The following RIMBP2 variants were observed in gnomAD, a reference collection of about 807,000 sequenced individuals.
The protein encoded by RIMBP2 is RIMS-binding protein 2.
Under a neutral mutation model 118.6 loss-of-function variants are expected in RIMBP2, and 48 were observed. The observed-to-expected ratio is 0.40, with a 90% CI of 0.32 to 0.51. RIMBP2 has a LOEUF of 0.51. RIMBP2 is among the 20% of genes least tolerant of loss of function. The pLI is 0.41. For missense variants in RIMBP2, 1,551 were observed against 1,768.3 expected (o/e 0.88, Z 2.20); for synonymous variants, 762 against 742.9 (o/e 1.03, Z -0.42).
intron 17 of RIMBP2, among the ~76,000 whole-genome samples, chr12:130,416,262 G>C (rs1005088345): frequency 1.3e-5 from 2 of 152,150 alleles, no homozygotes; most frequent in African/African-American, 4.8e-5. Context: ...AGCCCAAATA[G>C]CCGAAGTGGT....
chr12:130,684,924 C>T (rs2064973814), intron 1 of RIMBP2, among the ~76,000 whole-genome samples: 1 of 152,214 alleles, frequency 6.6e-6, no homozygotes, highest in Non-Finnish European at 1.5e-5. Context: ...ACTGCAGACT[C>T]ACCCTGAATT....
intron 2 of RIMBP2, among the ~76,000 whole-genome samples, chr12:130,618,082 C>T (rs1412919385): frequency 6.8e-6 from 1 of 146,354 alleles, no homozygotes; most frequent in Admixed American, 6.8e-5. Flanking sequence ...ATAAGAGTCA[C>T]GGATCCCCAA....
intron 1 of RIMBP2, among the ~76,000 whole-genome samples, chr12:130,713,403 C>G (rs1046064016): frequency 3.3e-5 from 5 of 152,158 alleles, no homozygotes; most frequent in African/African-American, 1.2e-4. Context: ...GCATCACCAA[C>G]AAGAGATGCA....
intron 1 of RIMBP2, among the ~76,000 whole-genome samples, chr12:130,676,240 G>A (rs1404486195): frequency 1.3e-5 from 2 of 151,456 alleles, no homozygotes; most frequent in East Asian, 3.9e-4. Context: ...AAACCTGTAG[G>A]TGAATTTTTT....
In RIMBP2 at chr12:130,471,529, C is replaced by G. The variant is rs529415647; in HGVS notation, c.103-786G>C. 4.6e-5 allele frequency among the ~76,000 whole-genome samples: 7 copies of G among 152,288 alleles called. No individual in the cohort carries two copies. The South Asian group carries it at 6.2e-4, about 14-fold the overall frequency. ...TGAGTCTCACTAACTTTTCTGCAGA[C>G]CTAACGTTTCAAAAGACCCATGGAG... On this transcript the variant is annotated intron_variant, in intron 5 of 22. Transcript: ENST00000690449.
intron 21 of RIMBP2, among the ~76,000 whole-genome samples, chr12:130,405,431 G>C (rs533995877): frequency 1.3e-5 from 2 of 152,296 alleles, no homozygotes; most frequent in African/African-American, 2.4e-5. Flanking sequence ...GGGGGAGCAG[G>C]TGGAAACACA....
intron 1 of RIMBP2, among the ~76,000 whole-genome samples, chr12:130,666,749 A>AGGAGTGAGGGAG (rs2063929863): frequency 1.6e-5 from 2 of 126,328 alleles, no homozygotes; most frequent in African/African-American, 5.9e-5. Flanking sequence ...GAAGGAGGGA[A>AGGAGTGAGGGAG]GGAGTGAGGG....
intron 3 of RIMBP2, among the ~76,000 whole-genome samples, chr12:130,514,727 CTCCTG>C (rs1408424462): frequency 6.6e-6 from 1 of 152,148 alleles, no homozygotes; most frequent in Admixed American, 6.5e-5. Flanking sequence ...AAGAAAAATA[CTCCTG>C]TCCTAAGAAA....
rs138450765 is a variant in RIMBP2 at position 130,455,416 on chromosome 12, C to T, written c.358+1080G>A. ...GCACGGTGCCCTGTCTGTCTCTCAG[C>T]GTTGCAACCTAGGCAGGGCATGCAG... On this transcript the variant is annotated intron_variant, in intron 7 of 22. Coordinates refer to ENST00000690449, the MANE Select transcript of RIMBP2 (RefSeq NM_001393629.1). 7.1e-3 allele frequency among the ~76,000 whole-genome samples: 1,082 copies of T among 152,346 alleles called. 18 individuals are homozygous for T. The highest frequency in any genetic ancestry group is 0.025 in the African/African-American group (1,030 of 41,580).
chr12:130,712,308 T>C (rs1335855435), intron 1 of RIMBP2, among the ~76,000 whole-genome samples: 1 of 152,260 alleles, frequency 6.6e-6, no homozygotes, highest in Non-Finnish European at 1.5e-5. Flanking sequence ...GTAATAATAC[T>C]TAGCTTAAAA....
At chr12:130,458,628 G>C (rs1027925533) in intron 6 of RIMBP2, among the ~76,000 whole-genome samples, 1 of 152,334 alleles carries the variant, frequency 6.6e-6, no homozygotes, top group East Asian at 1.9e-4. Flanking sequence ...TGGGGCACTC[G>C]CGGAGCCTTC....
At position 130,628,356 on chromosome 12, in the gene RIMBP2, A is replaced by G. The variant is rs978747211; in HGVS notation, c.-251T>C. ...TCTCTGCTGAGTTCCTGGTCTCAGG[A>G]GAGGAAGTGGGAAATTTCCCCAGCG... On this transcript the variant is annotated 5_prime_UTR_variant, in exon 2 of 23. Transcript: ENST00000690449. 1 of 152,236 alleles carries G rather than the reference A, an allele frequency of 6.6e-6. No homozygotes were observed. The highest frequency in any genetic ancestry group is 2.4e-5 in the African/African-American group (1 of 41,462). 9.4% of individuals were successfully genotyped at this position (152,236 alleles called of 1,614,324 possible). A position where few individuals can be genotyped will look rare whatever the true frequency, so the allele number is the denominator to read the frequency against.
intron 2 of RIMBP2, among the ~76,000 whole-genome samples, chr12:130,610,484 G>A (rs1317803971): frequency 6.8e-6 from 1 of 146,572 alleles, no homozygotes; most frequent in Non-Finnish European, 1.5e-5. Flanking sequence ...TAAAAACTAA[G>A]TAATGTGTCC....
At chr12:130,615,173 TAATA>T (rs1351173292) in intron 2 of RIMBP2, among the ~76,000 whole-genome samples, 1 of 146,800 alleles carries the variant, frequency 6.8e-6, no homozygotes, top group Non-Finnish European at 1.5e-5. Flanking sequence ...GTATATTATA[TAATA>T]TATATATTAC....
At chr12:130,588,059 C>T (rs1036920564) in intron 2 of RIMBP2, among the ~76,000 whole-genome samples, 7 of 152,082 alleles carry the variant, frequency 4.6e-5, no homozygotes, top group Non-Finnish European at 7.4e-5. Context: ...TCCATTCCTG[C>T]TCCTGAGCCT....
Position 130,397,057 on chromosome 12 carries a change from A to G in RIMBP2, c.*304T>C. On this transcript the variant is annotated 3_prime_UTR_variant, in exon 23 of 23. Coordinates refer to ENST00000690449, the MANE Select transcript of RIMBP2 (RefSeq NM_001393629.1). ...CAGATGACAAATGCACAAAGACTGG[A>G]ATTACAGGTAGGGAGGGAGCTACAG... is the stretch of plus-strand genomic sequence containing the variant. 4.8e-6 allele frequency: 1 copy of G among 207,632 alleles called. No individual in the cohort carries two copies. The highest frequency in any genetic ancestry group is 9.6e-6 in the Non-Finnish European group (1 of 104,712). 12.9% of individuals were successfully genotyped at this position (207,632 alleles called of 1,614,324 possible).
At chr12:130,541,668 G>C (rs1251862670) in intron 2 of RIMBP2, among the ~76,000 whole-genome samples, 1 of 152,192 alleles carries the variant, frequency 6.6e-6, no homozygotes. Context: ...TGTTTTCTTT[G>C]AAATGTTCTA....
chr12:130,448,250 C>T (rs550666739), intron 9 of RIMBP2, among the ~76,000 whole-genome samples: 6 of 152,292 alleles, frequency 3.9e-5, no homozygotes, highest in South Asian at 2.1e-4. Flanking sequence ...TGGCTCGTCA[C>T]GCCCCCGCTT....
At position 130,576,097 on chromosome 12, in the gene RIMBP2, G is replaced by A. The variant is rs1022735872; in HGVS notation, c.-217+52225C>T. ...GTGTACTCTGCAGGGAGGCTGGTGC[G>A]GGGGGACCGTTAGGCAAAGGGGCTG... is the stretch of plus-strand genomic sequence containing the variant. On this transcript the variant is annotated intron_variant, in intron 2 of 22. Coordinates refer to ENST00000690449, the MANE Select transcript of RIMBP2 (RefSeq NM_001393629.1). The surrounding 1 kb of genome is among the most constrained non-coding windows in gnomAD (Gnocchi z 4.2). Among the ~76,000 whole-genome samples the A allele has an allele frequency of 3.3e-5, 5 of 152,186 alleles. No individual in the cohort carries two copies. Among genetic ancestry groups the A allele is most frequent in the Middle Eastern group, 3.4e-3 (1 of 294 alleles).
Sources: gnomAD v4.1 joint callset for allele counts (sites outside exome capture counted in the v4.1 genomes callset) on GRCh38, gnomAD v4.1.1 for gene constraint, Gnocchi (gnomAD v3.1) non-coding constraint, MANE v1.5 for transcripts, NCBI Gene and HGNC (gene_info 2026-07-23, HGNC 2026-07-21) for gene names.